Variants in GALNTL6 observed in about 807,000 individuals in gnomAD.
GALNTL6 encodes the protein polypeptide N-acetylgalactosaminyltransferase like 6.
Under a neutral mutation model 73.7 loss-of-function variants are expected in GALNTL6, and 46 were observed. The ratio of observed to expected loss-of-function variants is 0.62; its 90% CI spans 0.49 to 0.80. GALNTL6 has a LOEUF of 0.80. Among genes scored for constraint, GALNTL6 ranks in the 30% least tolerant of loss-of-function variants. GALNTL6 has a pLI of 0.00. For synonymous variants in GALNTL6, 259 were observed against 263.7 expected (o/e 0.98, Z 0.17); for missense variants, 604 against 755.0 (o/e 0.80, Z 2.34).
At chr4:172,659,979 C>T (rs1731282948) in intron 5 of GALNTL6, among the ~76,000 whole-genome samples, 1 of 152,208 alleles carries the variant, frequency 6.6e-6, no homozygotes, top group Non-Finnish European at 1.5e-5. Flanking sequence ...GATCTGTACC[C>T]TGACTGATAC....
At chr4:172,132,156 G>A (rs949615006) in intron 2 of GALNTL6, among the ~76,000 whole-genome samples, 2 of 151,786 alleles carry the variant, frequency 1.3e-5, no homozygotes, top group African/African-American at 4.8e-5. Flanking sequence ...AACACAAACA[G>A]TTTCTTCATT....
At chr4:171,913,459 C>G (rs1737528876) in intron 2 of GALNTL6, among the ~76,000 whole-genome samples, 1 of 152,160 alleles carries the variant, frequency 6.6e-6, no homozygotes, top group Non-Finnish European at 1.5e-5. Context: ...CTTTATTTTA[C>G]AAACGTGTTT....
chr4:172,777,115 A>G (rs948533641), intron 5 of GALNTL6, among the ~76,000 whole-genome samples: 1 of 152,226 alleles, frequency 6.6e-6, no homozygotes, highest in African/African-American at 2.4e-5. Context: ...ATTATATTCA[A>G]AAATTATCAC....
At chr4:172,894,090 T>C (rs1746194167) in intron 8 of GALNTL6, among the ~76,000 whole-genome samples, 1 of 152,194 alleles carries the variant, frequency 6.6e-6, no homozygotes. Flanking sequence ...GTTCAAAGTG[T>C]GATGGTTTAC....
intron 7 of GALNTL6, among the ~76,000 whole-genome samples, chr4:172,849,967 C>T (rs1056007929): frequency 6.6e-5 from 10 of 152,154 alleles, no homozygotes; most frequent in African/African-American, 1.9e-4. Flanking sequence ...TGGAAAGGTG[C>T]GACCTCCTAA....
intron 2 of GALNTL6, among the ~76,000 whole-genome samples, chr4:172,099,578 T>TGGCAAG (rs1276775514): frequency 2.6e-5 from 4 of 152,124 alleles, no homozygotes; most frequent in African/African-American, 7.2e-5. Flanking sequence ...GGAGAGGGAA[T>TGGCAAG]GGCAAGGGCA....
At chr4:172,151,936 TTATATCTATCTATCTA>T (rs1734099807) in intron 2 of GALNTL6, among the ~76,000 whole-genome samples, 1 of 137,366 alleles carries the variant, frequency 7.3e-6, no homozygotes, top group Non-Finnish European at 1.5e-5. Flanking sequence ...TAATATAAAT[TTATATCTATCTATCTA>T]TCTATCTATC....
Position 172,802,198 on chromosome 4 carries a change from G to C in GALNTL6, c.554-7163G>C, listed in dbSNP as rs541803320. ...TGTGGCAGGCCAAGTATTACCAGCA[G>C]CTGAACAGGCAGGCCTCCATAACAA... On this transcript the variant is annotated intron_variant, in intron 5 of 12. Transcript: ENST00000506823. Among the ~76,000 whole-genome samples the C allele has an allele frequency of 2.6e-5, 4 of 152,184 alleles. No individual in the cohort carries two copies. The East Asian group carries it at 7.7e-4, about 29-fold the overall frequency.
chr4:172,317,836 A>T (rs1463615513), intron 4 of GALNTL6, among the ~76,000 whole-genome samples: 2 of 152,202 alleles, frequency 1.3e-5, no homozygotes, highest in Non-Finnish European at 2.9e-5. Flanking sequence ...CATTTTTATT[A>T]TGATATCCTT....
At position 172,442,149 on chromosome 4, in the gene GALNTL6, A is replaced by G. The variant is rs1243620452; in HGVS notation, c.553+93460A>G. Among the ~76,000 whole-genome samples, 3 of 152,160 alleles carry G rather than the reference A, an allele frequency of 2.0e-5. No individual in the cohort carries two copies. In the East Asian group the frequency reaches 5.8e-4, roughly 29 times the overall value. On this transcript the variant is annotated intron_variant, in intron 5 of 12. Transcript: ENST00000506823. ...TTGATCAAAAGGTCGCAGGATCCTAACCTTGTATTTCCCCTTGGAACATTG... is the reference window on the plus strand; with the variant it reads ...TTGATCAAAAGGTCGCAGGATCCTAGCCTTGTATTTCCCCTTGGAACATTG...
intron 2 of GALNTL6, among the ~76,000 whole-genome samples, chr4:172,216,483 A>G (rs948487307): frequency 2.0e-5 from 3 of 151,608 alleles, no homozygotes; most frequent in Non-Finnish European, 4.4e-5. Flanking sequence ...TTCTTTCGAG[A>G]TTTTCTCCTT....
intron 2 of GALNTL6, among the ~76,000 whole-genome samples, chr4:172,058,393 G>A (rs948263660): frequency 1.3e-5 from 2 of 152,018 alleles, no homozygotes; most frequent in East Asian, 1.9e-4. Flanking sequence ...CGAAAAATAC[G>A]AACTTTGCCT....
At chr4:171,983,847 T>C (rs1739988220) in intron 2 of GALNTL6, among the ~76,000 whole-genome samples, 2 of 151,518 alleles carry the variant, frequency 1.3e-5, no homozygotes, top group African/African-American at 2.4e-5. Context: ...TTGGGGAAAG[T>C]AAAGGAGGTG....
At chr4:172,621,399 G>A (rs1012458496) in intron 5 of GALNTL6, among the ~76,000 whole-genome samples, 1 of 152,100 alleles carries the variant, frequency 6.6e-6, no homozygotes, top group African/African-American at 2.4e-5. Context: ...TCAATTTTCT[G>A]AGACTTTTAA....
At chr4:172,653,518 G>A (rs961634796) in intron 5 of GALNTL6, among the ~76,000 whole-genome samples, 3 of 152,038 alleles carry the variant, frequency 2.0e-5, no homozygotes, top group African/African-American at 7.2e-5. Flanking sequence ...ACTGTGTCCG[G>A]CCTTATTCTT....
chr4:172,037,551 C>T (rs1741963421), intron 2 of GALNTL6, among the ~76,000 whole-genome samples: 7 of 152,098 alleles, frequency 4.6e-5, no homozygotes, highest in Admixed American at 3.3e-4. Context: ...CTTGTCCCTC[C>T]TATTATGCTA....
intron 10 of GALNTL6, among the ~76,000 whole-genome samples, chr4:172,974,018 G>A (rs1750696432): frequency 6.6e-6 from 1 of 152,208 alleles, no homozygotes. Context: ...GCCTTTGAAG[G>A]TATGTGGGAA....
intron 10 of GALNTL6, among the ~76,000 whole-genome samples, chr4:173,004,497 A>G (rs1752186334): frequency 6.6e-6 from 1 of 151,944 alleles, no homozygotes; most frequent in African/African-American, 2.4e-5. Flanking sequence ...GTAGTGGTGC[A>G]TGATTGTAAT....
intron 5 of GALNTL6, among the ~76,000 whole-genome samples, chr4:172,706,967 A>G (rs893369057): frequency 1.1e-4 from 16 of 152,154 alleles, no homozygotes; most frequent in Admixed American, 6.5e-5. Flanking sequence ...CACTTGCAGT[A>G]CTTCCTATGG....
Sources: allele counts gnomAD v4.1 joint callset (sites outside exome capture counted in the v4.1 genomes callset), GRCh38; gene constraint gnomAD v4.1.1; transcripts MANE v1.5; gene names NCBI Gene and HGNC (gene_info 2026-07-23, HGNC 2026-07-21).